Variants in SCAF11 observed in about 807,000 individuals in gnomAD.
SCAF11 encodes the protein protein SCAF11.
A neutral mutation model predicts 140.5 loss-of-function variants in SCAF11; 47 were observed. That is an observed-to-expected ratio of 0.33 (90% CI 0.26 to 0.43). The LOEUF is 0.43. Among genes scored for constraint, SCAF11 ranks in the 20% least tolerant of loss-of-function variants. The probability of loss-of-function intolerance (pLI) is 1.00; values close to 1 mark genes in which losing one functional copy is unlikely to be tolerated. For synonymous variants in SCAF11, 557 were observed against 579.4 expected (o/e 0.96, Z 0.55); for missense variants, 1,645 against 1,705.1 (o/e 0.96, Z 0.62).
At chr12:45,943,542 G>T in intron 6 of SCAF11, among the ~76,000 whole-genome samples, 1 of 151,812 alleles carries the variant, frequency 6.6e-6, no homozygotes, top group South Asian at 2.1e-4. Context: ...CTTTATCATG[G>T]GTATGTACAT....
rs142941606 is a variant in SCAF11, at chr12:45,953,206, T to G, written c.220-1479A>C. Among the ~76,000 whole-genome samples the G allele has an allele frequency of 9.2e-5, 14 of 152,318 alleles. No homozygotes were observed. The East Asian group carries it at 2.7e-3, about 29-fold the overall frequency. On this transcript the variant is annotated intron_variant, in intron 3 of 14. Coordinates refer to ENST00000369367, the MANE Select transcript of SCAF11 (RefSeq NM_004719.3). ...GGCTATTACTTTCCCTATAGAAAACTTGACCTTAAGAAGGTTTGCTTCAGC... is the reference window on the plus strand; with the variant it reads ...GGCTATTACTTTCCCTATAGAAAACGTGACCTTAAGAAGGTTTGCTTCAGC...
upstream of SCAF11, among the ~76,000 whole-genome samples, chr12:45,990,791 A>C (rs528459793): frequency 2.0e-4 from 30 of 152,310 alleles, no homozygotes; most frequent in South Asian, 6.2e-3. Flanking sequence ...GAGACCGAGA[A>C]GCGTGGTGGG....
At chr12:45,960,048 T>C (rs1415672701) in intron 3 of SCAF11, among the ~76,000 whole-genome samples, 1 of 152,194 alleles carries the variant, frequency 6.6e-6, no homozygotes, top group African/African-American at 2.4e-5. Flanking sequence ...TATCCAGTAT[T>C]TTCAACTTAA....
intron 3 of SCAF11, 22 bp downstream of exon 3, chr12:45,961,678 T>C: frequency 6.4e-7 from 1 of 1,573,788 alleles, no homozygotes; most frequent in Non-Finnish European, 8.6e-7. Context: ...GAAATTAAAA[T>C]ACATTAATGT....
Position 45,928,501 on chromosome 12 carries a change from T to C in SCAF11, c.1200A>G (p.Ser400=). Residue 400 remains serine (S), a synonymous_variant, in exon 11 of 15, where the codon TCA becomes TCG. Coordinates refer to ENST00000369367, the MANE Select transcript of SCAF11 (RefSeq NM_004719.3). ...LRSSVAAPEK[S]SSNDSVDEET... The stretch of plus-strand genomic sequence containing the variant: ...CTTCATCTACTGAATCATTGGAAGA[T>C]GATTTTTCAGGGGCAGCTACAGAGC... 1.2e-6 allele frequency: 2 copies of C among 1,613,648 alleles called. No individual in the cohort carries two copies. The highest frequency in any genetic ancestry group is 8.5e-7 in the Non-Finnish European group (1 of 1,179,840).
At chr12:45,937,122 T>A (rs534272919) in intron 6 of SCAF11, among the ~76,000 whole-genome samples, 3 of 152,194 alleles carry the variant, frequency 2.0e-5, no homozygotes, top group South Asian at 2.1e-4. Flanking sequence ...ACGGAAAAAA[T>A]TTCCTTTGTA....
intron 3 of SCAF11, among the ~76,000 whole-genome samples, chr12:45,952,094 A>G (rs1212621387): frequency 6.6e-6 from 1 of 152,130 alleles, no homozygotes; most frequent in Non-Finnish European, 1.5e-5. Context: ...TTCCTCACAA[A>G]TTTTAATATT....
chr12:45,935,078 T>C (rs960178761), intron 6 of SCAF11: 2 of 152,302 alleles, frequency 1.3e-5, no homozygotes, highest in Admixed American at 6.5e-5. Context: ...TGTTACAACG[T>C]TGGTGGCTGC....
At chr12:45,924,380 C>A (rs1944793658) in intron 12 of SCAF11, among the ~76,000 whole-genome samples, 1 of 152,222 alleles carries the variant, frequency 6.6e-6, no homozygotes, top group East Asian at 1.9e-4. Flanking sequence ...TCCCCATATA[C>A]CCCCTAAACA....
At position 45,922,414 on chromosome 12, in the gene SCAF11, G is replaced by T. The variant is rs746281445; in HGVS notation, c.4245+49C>A. 1.3e-5 allele frequency: 20 copies of T among 1,576,608 alleles called. No individual in the cohort carries two copies. In the South Asian group the frequency reaches 2.4e-4, roughly 19 times the overall value. On this transcript the variant is annotated intron_variant, in intron 14 of 14. Coordinates refer to ENST00000369367, the MANE Select transcript of SCAF11 (RefSeq NM_004719.3). ...ACTTCAGCATTCATTTATTAAAACAGAGGTGGTTCAAAACAACGTGCACAT... is the reference window on the plus strand; with the variant it reads ...ACTTCAGCATTCATTTATTAAAACATAGGTGGTTCAAAACAACGTGCACAT...
In SCAF11 at chr12:45,927,328, T is replaced by C; in HGVS notation, c.2373A>G (p.Arg791=). The C allele has an allele frequency of 6.2e-7, 1 of 1,614,118 alleles. No homozygotes were observed. Among genetic ancestry groups the C allele is most frequent in the Non-Finnish European group, 8.5e-7 (1 of 1,180,002 alleles). Residue 791 remains arginine, a synonymous_variant, in exon 11 of 15, where the codon AGA becomes AGG. Coordinates refer to ENST00000369367, the MANE Select transcript of SCAF11 (RefSeq NM_004719.3). ...IDKTKKPRTR[R]SRFHSPSTTW... ...TTGTAGATGGAGAATGAAATCTAGATCTTCGAGTACGAGGCTTTTTGGTTT... is the reference window on the plus strand; with the variant it reads ...TTGTAGATGGAGAATGAAATCTAGACCTTCGAGTACGAGGCTTTTTGGTTT...
chr12:45,947,240 G>A (rs567375420), intron 5 of SCAF11, among the ~76,000 whole-genome samples: 1 of 152,202 alleles, frequency 6.6e-6, no homozygotes, highest in East Asian at 1.9e-4. Context: ...AGTTTCAAAT[G>A]TATTAGAACA....
At chr12:45,936,302 C>T (rs190560808) in intron 6 of SCAF11, among the ~76,000 whole-genome samples, 30 of 152,022 alleles carry the variant, frequency 2.0e-4, no homozygotes, top group African/African-American at 6.5e-4. Context: ...CCACCACGCC[C>T]GGCTAATTTT....
chr12:45,946,053 G>A (rs1261747681), intron 5 of SCAF11, among the ~76,000 whole-genome samples: 1 of 152,050 alleles, frequency 6.6e-6, no homozygotes, highest in Non-Finnish European at 1.5e-5. Flanking sequence ...ATTGAGCCAC[G>A]CAGACTAGAG....
chr12:45,975,902 C>T (rs910806974), intron 1 of SCAF11, among the ~76,000 whole-genome samples: 3 of 152,084 alleles, frequency 2.0e-5, no homozygotes, highest in African/African-American at 7.2e-5. Context: ...GATCACATAT[C>T]ACAACAGATA....
At chr12:45,943,780 G>A (rs1001456285) in intron 6 of SCAF11, among the ~76,000 whole-genome samples, 2 of 151,978 alleles carry the variant, frequency 1.3e-5, no homozygotes, top group African/African-American at 2.4e-5. Context: ...CCAAACAAAC[G>A]ACTTCAGGCA....
chr12:45,941,865 ACT>A (rs1265367822), intron 6 of SCAF11, among the ~76,000 whole-genome samples: 2 of 152,132 alleles, frequency 1.3e-5, no homozygotes, highest in Non-Finnish European at 2.9e-5. Flanking sequence ...TAAAAGTTAC[ACT>A]GAGTGTGCTT....
chr12:45,981,274 A>G (rs1946343929), intron 1 of SCAF11, among the ~76,000 whole-genome samples: 1 of 152,206 alleles, frequency 6.6e-6, no homozygotes, highest in South Asian at 2.1e-4. Context: ...AGACATGTTA[A>G]TGAGAAAGGA....
At chr12:45,933,349 C>G (rs987249058) in intron 8 of SCAF11, 117 bp from the exon 9 acceptor site, 4 of 564,742 alleles carry the variant, frequency 7.1e-6, no homozygotes, top group Non-Finnish European at 6.2e-6. Flanking sequence ...ATCACACTTA[C>G]AAGCATGTGA....
Sources: allele counts gnomAD v4.1 joint callset (sites outside exome capture counted in the v4.1 genomes callset), GRCh38; gene constraint gnomAD v4.1.1; transcripts MANE v1.5; gene names NCBI Gene and HGNC (gene_info 2026-07-23, HGNC 2026-07-21).